Variants in KCNMB2 observed in about 807,000 individuals in gnomAD.
The protein encoded by KCNMB2 is calcium-activated potassium channel subunit beta-2.
Under a neutral mutation model 24.5 loss-of-function variants are expected in KCNMB2, and 9 were observed. The ratio of observed to expected loss-of-function variants is 0.37; its 90% CI spans 0.22 to 0.64. KCNMB2 has a LOEUF of 0.64. Ranked by LOEUF, KCNMB2 falls within the 30% of genes least tolerant of loss-of-function variation. The probability of loss-of-function intolerance (pLI) is 0.63; values close to 1 mark genes in which losing one functional copy is unlikely to be tolerated. For missense variants in KCNMB2, 226 were observed against 284.3 expected (o/e 0.79, Z 1.47); for synonymous variants, 109 against 104.4 (o/e 1.04, Z -0.27).
chr3:178,600,494 A>G (rs753008582), intron 1 of KCNMB2, among the ~76,000 whole-genome samples: 15 of 152,244 alleles, frequency 9.9e-5, no homozygotes, highest in Non-Finnish European at 1.8e-4. Flanking sequence ...TTGACTTTTA[A>G]TAAGTAAAAG....
chr3:178,792,525 AC>A (rs912691697), intron 1 of KCNMB2, among the ~76,000 whole-genome samples: 4 of 152,208 alleles, frequency 2.6e-5, no homozygotes, highest in African/African-American at 7.2e-5. Flanking sequence ...CTGCAAAACA[AC>A]CAGAAAGCAA....
At chr3:178,645,850 C>T (rs570466086) in intron 1 of KCNMB2, among the ~76,000 whole-genome samples, 2 of 152,266 alleles carry the variant, frequency 1.3e-5, no homozygotes, top group East Asian at 3.9e-4. Context: ...TCCAAAAAGC[C>T]TCATGTGCCT....
At chr3:178,588,827 T>A (rs6808880) in intron 1 of KCNMB2, among the ~76,000 whole-genome samples, 2,449 of 152,198 alleles carry the variant, frequency 0.016, 34 homozygotes, top group Non-Finnish European at 0.026. Context: ...AGCCTCAGGC[T>A]CCTCATGAAG....
At chr3:178,825,536 G>C in intron 2 of KCNMB2, 52 bp from the exon 3 acceptor site, 1 of 1,507,092 alleles carries the variant, frequency 6.6e-7, no homozygotes. Flanking sequence ...GCTCTCTAGG[G>C]GCATGCTGAT....
At chr3:178,579,422 G>C (rs969276564) in intron 1 of KCNMB2, among the ~76,000 whole-genome samples, 1 of 152,168 alleles carries the variant, frequency 6.6e-6, no homozygotes, top group Non-Finnish European at 1.5e-5. Context: ...AAGCAGGAAA[G>C]ATCTAAAATC....
At chr3:178,656,314 G>C (rs1041405036) in intron 1 of KCNMB2, among the ~76,000 whole-genome samples, 2 of 152,166 alleles carry the variant, frequency 1.3e-5, no homozygotes, top group Admixed American at 6.5e-5. Flanking sequence ...TCACTAGCTA[G>C]CAGGCATTCA....
intron 1 of KCNMB2, among the ~76,000 whole-genome samples, chr3:178,625,978 T>C (rs1719102929): frequency 6.6e-6 from 1 of 152,174 alleles, no homozygotes; most frequent in African/African-American, 2.4e-5. Context: ...GAAATAGGCC[T>C]AAAGGACACA....
At chr3:178,570,177 C>A (rs1716720324) in intron 1 of KCNMB2, among the ~76,000 whole-genome samples, 1 of 152,100 alleles carries the variant, frequency 6.6e-6, no homozygotes, top group African/African-American at 2.4e-5. Flanking sequence ...TAGTGCCTTA[C>A]AAGTCATCAC....
At chr3:178,690,485 T>G (rs1721631864) in intron 1 of KCNMB2, among the ~76,000 whole-genome samples, 1 of 151,578 alleles carries the variant, frequency 6.6e-6, no homozygotes, top group Admixed American at 6.6e-5. Flanking sequence ...AAAGCATCAT[T>G]GAAGGAAGAG....
At chr3:178,613,832 A>C (rs2108518793) in intron 1 of KCNMB2, among the ~76,000 whole-genome samples, 1 of 152,156 alleles carries the variant, frequency 6.6e-6, no homozygotes, top group African/African-American at 2.4e-5. Flanking sequence ...TTGGTTCTAT[A>C]ACCATCTTGT....
At chr3:178,779,317 T>C (rs2108429641) in intron 1 of KCNMB2, among the ~76,000 whole-genome samples, 1 of 152,360 alleles carries the variant, frequency 6.6e-6, no homozygotes, top group East Asian at 1.9e-4. Flanking sequence ...TTTGTATTTA[T>C]GATCCCCTCC....
intron 1 of KCNMB2, among the ~76,000 whole-genome samples, chr3:178,544,821 T>C (rs1413874167): frequency 1.6e-4 from 24 of 152,212 alleles, no homozygotes. Context: ...GTCTAATTTT[T>C]AGCCAGATAA....
chr3:178,664,261 C>A (rs1720638296), intron 1 of KCNMB2, among the ~76,000 whole-genome samples: 1 of 151,970 alleles, frequency 6.6e-6, no homozygotes, highest in South Asian at 2.1e-4. Flanking sequence ...AAGTAGAGAA[C>A]AAATGACATG....
intron 1 of KCNMB2, among the ~76,000 whole-genome samples, chr3:178,556,256 G>T (rs1235245359): frequency 2.0e-5 from 3 of 152,224 alleles, no homozygotes; most frequent in Non-Finnish European, 4.4e-5. Flanking sequence ...AAGAGATGCA[G>T]ATTCCAGAGT....
intron 2 of KCNMB2, among the ~76,000 whole-genome samples, chr3:178,813,876 G>A (rs144561410): frequency 2.7e-4 from 41 of 152,198 alleles, no homozygotes; most frequent in African/African-American, 9.4e-4. Context: ...TGACCAATAT[G>A]AAGATAATTA....
At chr3:178,804,580 T>C (rs1320293102) in intron 1 of KCNMB2, among the ~76,000 whole-genome samples, 4 of 152,230 alleles carry the variant, frequency 2.6e-5, no homozygotes, top group African/African-American at 9.6e-5. Context: ...TCCCTCTTTC[T>C]ATATCATCTT....
At chr3:178,833,395 A>AAC (rs1715114126) in intron 4 of KCNMB2, among the ~76,000 whole-genome samples, 1 of 152,196 alleles carries the variant, frequency 6.6e-6, no homozygotes, top group Non-Finnish European at 1.5e-5. Context: ...TTCCTGGCCC[A>AAC]GTGATTCTTT....
At chr3:178,721,399 T>C (rs1722801123) in intron 1 of KCNMB2, among the ~76,000 whole-genome samples, 1 of 152,196 alleles carries the variant, frequency 6.6e-6, no homozygotes, top group South Asian at 2.1e-4. Context: ...TGTTGTTGTT[T>C]GTATAGTTTG....
intron 1 of KCNMB2, among the ~76,000 whole-genome samples, chr3:178,741,348 T>C (rs1221894956): frequency 1.3e-5 from 2 of 152,210 alleles, no homozygotes; most frequent in Non-Finnish European, 2.9e-5. Context: ...GTATGGCTCA[T>C]AGCAGAAACC....
Sources: allele counts gnomAD v4.1 joint callset (sites outside exome capture counted in the v4.1 genomes callset), GRCh38; gene constraint gnomAD v4.1.1; transcripts MANE v1.5; gene names NCBI Gene and HGNC (gene_info 2026-07-23, HGNC 2026-07-21).